Variants in IRAG1 observed in about 807,000 individuals in gnomAD.
IRAG1 encodes the protein IP3R-associated cGMP kinase substrate.
A neutral mutation model predicts 106.2 loss-of-function variants in IRAG1; 62 were observed. The ratio of observed to expected loss-of-function variants is 0.58; its 90% CI spans 0.48 to 0.72. The LOEUF is 0.72. Among genes scored for constraint, IRAG1 ranks in the 30% least tolerant of loss-of-function variants. IRAG1 has a pLI of 0.00. For synonymous variants in IRAG1, 462 were observed against 443.9 expected (o/e 1.04, Z -0.51); for missense variants, 1,064 against 1,140.7 (o/e 0.93, Z 0.97).
intron 1 of IRAG1, among the ~76,000 whole-genome samples, chr11:10,682,315 G>A (rs1385611116): frequency 6.6e-6 from 1 of 152,192 alleles, no homozygotes; most frequent in Non-Finnish European, 1.5e-5. Flanking sequence ...TCCCCTCTGG[G>A]ACTCTAAAAA....
intron 2 of IRAG1, among the ~76,000 whole-genome samples, chr11:10,640,108 C>T (rs1302681574): frequency 1.3e-5 from 2 of 152,166 alleles, no homozygotes; most frequent in Non-Finnish European, 1.5e-5. Context: ...GTGTTGATAC[C>T]TACCAGGTAA....
At chr11:10,631,120 T>C (rs1435655377) in intron 4 of IRAG1, among the ~76,000 whole-genome samples, 2 of 152,222 alleles carry the variant, frequency 1.3e-5, no homozygotes, top group Non-Finnish European at 2.9e-5. Flanking sequence ...AGAGATGGAA[T>C]GGGACAATTG....
intron 1 of IRAG1, among the ~76,000 whole-genome samples, chr11:10,664,506 C>A (rs541715432): frequency 1.0e-3 from 156 of 152,328 alleles, no homozygotes; most frequent in Middle Eastern, 6.8e-3. Flanking sequence ...GTTCCTTCAC[C>A]ATTCAGGCCT....
At chr11:10,690,539 G>A (rs929074883) in intron 1 of IRAG1, among the ~76,000 whole-genome samples, 1 of 152,248 alleles carries the variant, frequency 6.6e-6, no homozygotes, top group Non-Finnish European at 1.5e-5. Flanking sequence ...CTGGACTGTC[G>A]CCTGAACTCA....
chr11:10,605,970 G>C (rs923660715), intron 12 of IRAG1, among the ~76,000 whole-genome samples: 5 of 152,208 alleles, frequency 3.3e-5, no homozygotes, highest in African/African-American at 1.2e-4. Flanking sequence ...TACTCACTCA[G>C]TTTTCTCCTT....
chr11:10,664,305 C>A (rs1256587479), intron 1 of IRAG1, among the ~76,000 whole-genome samples: 2 of 152,212 alleles, frequency 1.3e-5, no homozygotes, highest in Non-Finnish European at 2.9e-5. Context: ...TCCTGTTCAT[C>A]TCCACTCTGG....
chr11:10,686,250 G>A (rs1432647340), intron 1 of IRAG1, among the ~76,000 whole-genome samples: 1 of 152,048 alleles, frequency 6.6e-6, no homozygotes, highest in East Asian at 1.9e-4. Context: ...TAGATCATTC[G>A]CCCACGTCAA....
chr11:10,657,972 A>G lies in IRAG1; in HGVS notation c.68-5790T>C, dbSNP rs1250556703. Among the ~76,000 whole-genome samples, 1 of 152,202 alleles carries G rather than the reference A, an allele frequency of 6.6e-6. No individual in the cohort carries two copies. Among genetic ancestry groups the G allele is most frequent in the Non-Finnish European group, 1.5e-5 (1 of 68,040 alleles). ...CCCGGCTGCATGTGGCAGCTTTCTGACTTTTCATTTTGACGGTTTTGCTCA... is the reference window on the plus strand; with the variant it reads ...CCCGGCTGCATGTGGCAGCTTTCTGGCTTTTCATTTTGACGGTTTTGCTCA... On this transcript the variant is annotated intron_variant, in intron 1 of 20. Transcript: ENST00000423302. The surrounding 1 kb of genome is among the most constrained non-coding windows in gnomAD (Gnocchi z 4.1).
intron 10 of IRAG1, among the ~76,000 whole-genome samples, chr11:10,610,320 T>C (rs1403101422): frequency 6.6e-6 from 1 of 152,266 alleles, no homozygotes; most frequent in Non-Finnish European, 1.5e-5. Flanking sequence ...TCTGATTCCA[T>C]ACCCCATAGA....
At chr11:10,692,449 C>T (rs978320588) in intron 1 of IRAG1, among the ~76,000 whole-genome samples, 1 of 152,152 alleles carries the variant, frequency 6.6e-6, no homozygotes, top group Non-Finnish European at 1.5e-5. Context: ...TTCCCTCCCC[C>T]ATAGAACTGT....
intron 1 of IRAG1, among the ~76,000 whole-genome samples, chr11:10,680,976 T>C (rs1037680860): frequency 1.3e-5 from 2 of 151,890 alleles, no homozygotes; most frequent in Non-Finnish European, 2.9e-5. Flanking sequence ...TCAGGGAGGG[T>C]CAGTGAGTTC....
In IRAG1 at chr11:10,573,522, A is replaced by T. The variant is rs1203087381; in HGVS notation, c.*2810T>A. The T allele has an allele frequency of 2.6e-5, 4 of 152,128 alleles. No individual in the cohort carries two copies. The highest frequency in any genetic ancestry group is 4.4e-5 in the Non-Finnish European group (3 of 68,084). The allele number at this position is 152,128 out of a possible 1,614,324, so 9.4% of individuals were successfully genotyped here. A position where few individuals can be genotyped will look rare whatever the true frequency, so the allele number is the denominator to read the frequency against. On this transcript the variant is annotated 3_prime_UTR_variant, in exon 21 of 21. Transcript: ENST00000423302. ...GGTCTTTGCTTTCCAGAAAAGATGG[A>T]CTCATGAGCACTTTTTCAGCCCCTG... is the stretch of plus-strand genomic sequence containing the variant.
chr11:10,604,719 G>C (rs1370609210), intron 12 of IRAG1, among the ~76,000 whole-genome samples, 174 bp from the exon 13 acceptor site: 1 of 152,196 alleles, frequency 6.6e-6, no homozygotes, highest in South Asian at 2.1e-4. Flanking sequence ...CAAAAAAGAT[G>C]GTAAAGCAGG....
intron 1 of IRAG1, among the ~76,000 whole-genome samples, chr11:10,666,068 G>A (rs781259827): frequency 6.6e-6 from 1 of 152,200 alleles, no homozygotes; most frequent in Non-Finnish European, 1.5e-5. Context: ...ATGGGCATGT[G>A]CAACTGTGAC....
intron 2 of IRAG1, among the ~76,000 whole-genome samples, chr11:10,650,217 G>C (rs1436179582): frequency 6.6e-6 from 1 of 152,168 alleles, no homozygotes; most frequent in Admixed American, 6.5e-5. Flanking sequence ...TGGGTGGGGA[G>C]ATGCCCTTCC....
chr11:10,685,416 C>CCA (rs1554936726), intron 1 of IRAG1, among the ~76,000 whole-genome samples: 1 of 136,600 alleles, frequency 7.3e-6, no homozygotes, highest in Non-Finnish European at 1.6e-5. Context: ...ATTCCGTTCC[C>CCA]AAAAAAAAAA....
Position 10,627,168 on chromosome 11 carries a change from T to G in IRAG1, c.750+548A>C, listed in dbSNP as rs941764016. On this transcript the variant is annotated intron_variant, in intron 8 of 20. Coordinates refer to ENST00000423302, the MANE Select transcript of IRAG1 (RefSeq NM_130385.4). The stretch of plus-strand genomic sequence containing the variant: ...ACCTGGGCCGTGAGCAGCACGTGGG[T>G]CTGGGGGTCTGTGTGGCTGCCTCGT... Among the ~76,000 whole-genome samples the G allele has an allele frequency of 3.9e-5, 6 of 152,164 alleles. No homozygotes were observed. In the East Asian group the frequency reaches 1.2e-3, roughly 29 times the overall value.
rs531655671 is a variant in IRAG1 at position 10,644,696 on chromosome 11, A to G, written c.225+7329T>C. Among the ~76,000 whole-genome samples, 3 of 152,126 alleles carry G rather than the reference A, an allele frequency of 2.0e-5. No homozygotes were observed. In the East Asian group the frequency reaches 5.8e-4, roughly 29 times the overall value. On this transcript the variant is annotated intron_variant, in intron 2 of 20. Coordinates refer to ENST00000423302, the MANE Select transcript of IRAG1 (RefSeq NM_130385.4). ...GAAGCTGGGGGGCAGGGGGATCCCT[A>G]CTCTACACAGTCCTTACCAGGTTCC...
Position 10,652,169 on chromosome 11 carries a change from C to G in IRAG1, c.81G>C (p.Gln27His), listed in dbSNP as rs1338295143. 1 of 1,613,814 alleles carries G rather than the reference C, an allele frequency of 6.2e-7. No individual in the cohort carries two copies. The highest frequency in any genetic ancestry group is 8.5e-7 in the Non-Finnish European group (1 of 1,179,852). Residue 27 changes from glutamine (Q) to histidine (H), a missense_variant, in exon 2 of 21, where the codon CAG becomes CAC. Transcript: ENST00000423302. ...CAGCCCCAAAGATGCTCCAAGAGGC[C>G]TGGGCTCCACAGGCTGGGGAGATGC... ...ENNSVLACGAQASWSIFGADA... is the reference protein window; with the variant it reads ...ENNSVLACGAHASWSIFGADA...
Sources: allele counts gnomAD v4.1 joint callset (sites outside exome capture counted in the v4.1 genomes callset), GRCh38; gene constraint gnomAD v4.1.1; non-coding constraint Gnocchi (gnomAD v3.1); transcripts MANE v1.5; gene names NCBI Gene and HGNC (gene_info 2026-07-23, HGNC 2026-07-21).